The following FBXL18 variants were observed in gnomAD, a reference collection of about 807,000 sequenced individuals.
FBXL18 encodes the protein F-box/LRR-repeat protein 18.
A neutral mutation model predicts 46.0 loss-of-function variants in FBXL18; 36 were observed. The observed-to-expected ratio is 0.78, with a 90% CI of 0.60 to 1.03. The LOEUF (loss-of-function observed/expected upper bound fraction) is 1.03. Ranked by LOEUF, FBXL18 falls within the 50% of genes least tolerant of loss-of-function variation. The probability of loss-of-function intolerance (pLI) is 0.00; values close to 1 mark genes in which losing one functional copy is unlikely to be tolerated. For missense variants in FBXL18, 977 were observed against 1,004.1 expected (o/e 0.97, Z 0.36); for synonymous variants, 557 against 465.3 (o/e 1.20, Z -2.54).
At chr7:5,509,118 G>C (rs148306496) in intron 1 of FBXL18, among the ~76,000 whole-genome samples, 1 of 151,234 alleles carries the variant, frequency 6.6e-6, no homozygotes, top group East Asian at 1.9e-4. Context: ...GCTTGAACCC[G>C]GGAGGTGAAG....
In FBXL18 at chr7:5,501,964, G is replaced by C; in HGVS notation, c.305C>G (p.Ala102Gly). Residue 102 changes from alanine (A) to glycine (G), a missense_variant, in exon 3 of 5, where the codon GCT becomes GGT. Ala to Gly is a moderately conservative substitution (Grantham distance 60, BLOSUM62 0). Coordinates refer to ENST00000382368, the MANE Select transcript of FBXL18 (RefSeq NM_024963.6). ...GGAGCCAGGCAGCCAGTAGCAGCCA[G>C]CCATGCTCAGCTGCTGGATCTCCCG... Reference protein sequence around the residue: ...IGREIQQLSMAGCYWLPGSTV... With the variant: ...IGREIQQLSMGGCYWLPGSTV... 6.2e-7 allele frequency: 1 copy of C among 1,607,888 alleles called. No homozygotes were observed. Among genetic ancestry groups the C allele is most frequent in the Non-Finnish European group, 8.5e-7 (1 of 1,177,888 alleles).
In FBXL18 at chr7:5,501,407, G is replaced by C. The variant is rs372836919; in HGVS notation, c.862C>G (p.Arg288Gly). Residue 288 changes from arginine (R) to glycine (G), a missense_variant, in exon 3 of 5, where the codon CGC (arginine) becomes GGC (glycine). Physicochemically the swap from Arg to Gly is moderately radical, Grantham distance 125. Coordinates refer to ENST00000382368, the MANE Select transcript of FBXL18 (RefSeq NM_024963.6). ...TGCAGGGCATCCAGCACGACATTGC[G>C]CGCCATGGAGTCCAGGAGGTTCTTG... The part of the protein sequence containing the change: ...ATKNLLDSMA[R>G]NVVLDALQLP... 1.2e-6 allele frequency: 2 copies of C among 1,613,638 alleles called. No homozygotes were observed. The highest frequency in any genetic ancestry group is 1.3e-5 in the African/African-American group (1 of 74,934).
chr7:5,462,965 AAAAAATATAT>A lies in FBXL18; in HGVS notation c.2001-15132_2001-15123del, dbSNP rs1330944602. On this transcript the variant is annotated intron_variant and NMD_transcript_variant, in intron 4 of 6. Transcript: ENST00000415009. ...GACTTGGTCTCAAAAAAAAAAAAAA[AAAAAATATAT>A]ATATATATATATATATATATAATAT... Among the ~76,000 whole-genome samples the A allele has an allele frequency of 1.6e-3, 30 of 18,362 alleles. 1 individual carries two copies. The highest frequency in any genetic ancestry group is 6.2e-3 in the South Asian group (2 of 324). 12.0% of individuals were successfully genotyped at this position (18,362 alleles called of 152,430 possible). A position where few individuals can be genotyped will look rare whatever the true frequency, so the allele number is the denominator to read the frequency against.
intron 2 of FBXL18, among the ~76,000 whole-genome samples, chr7:5,505,118 A>G (rs1285094026): frequency 6.6e-6 from 1 of 151,458 alleles, no homozygotes; most frequent in Non-Finnish European, 1.5e-5. Flanking sequence ...TTCCACTCCT[A>G]GCGATCCACA....
intron 4 of FBXL18, among the ~76,000 whole-genome samples, chr7:5,485,915 C>T (rs1383857947): frequency 6.6e-6 from 1 of 152,002 alleles, no homozygotes; most frequent in South Asian, 2.1e-4. Flanking sequence ...AAAAATTAGC[C>T]GGGCGTGGTG....
downstream of FBXL18, among the ~76,000 whole-genome samples, chr7:5,472,773 C>G (rs1396280268): frequency 1.3e-5 from 2 of 152,172 alleles, no homozygotes; most frequent in Non-Finnish European, 1.5e-5. Context: ...ACAGATAACT[C>G]GTAGTGCCAT....
chr7:5,464,858 G>A lies in FBXL18; in HGVS notation c.2001-17015C>T, dbSNP rs150143547. Among the ~76,000 whole-genome samples, 955 of 151,486 alleles carry A rather than the reference G, an allele frequency of 6.3e-3. 16 individuals carry two copies. The highest frequency in any genetic ancestry group is 0.022 in the African/African-American group (893 of 41,342). ...GTGGGCAAATCACCAGAGGTTAGGA[G>A]TTTGAGACCAGCCTGGACAACACGG... is the stretch of plus-strand genomic sequence containing the variant. On this transcript the variant is annotated intron_variant and NMD_transcript_variant, in intron 4 of 6. Transcript: ENST00000415009.
chr7:5,483,422 C>G (rs1381947448), intron 4 of FBXL18, among the ~76,000 whole-genome samples: 4 of 144,004 alleles, frequency 2.8e-5, no homozygotes, highest in Admixed American at 7.3e-5. Flanking sequence ...GCCTGGGCAA[C>G]AGAGCGAGAC....
intron 4 of FBXL18, among the ~76,000 whole-genome samples, chr7:5,460,020 G>A (rs933538770): frequency 1.3e-5 from 2 of 152,166 alleles, no homozygotes; most frequent in Non-Finnish European, 2.9e-5. Flanking sequence ...AACACTTTGG[G>A]AGGCTGAGGC....
chr7:5,487,706 C>A (rs1298187014), intron 4 of FBXL18, among the ~76,000 whole-genome samples: 7 of 152,252 alleles, frequency 4.6e-5, no homozygotes. Context: ...CAGAGAGAGG[C>A]ACCATGGGGG....
At chr7:5,473,972 C>G (rs554190913), downstream of FBXL18, among the ~76,000 whole-genome samples, 2 of 151,756 alleles carry the variant, frequency 1.3e-5, no homozygotes, top group East Asian at 2.0e-4. Flanking sequence ...AATTTTTGTA[C>G]TTTTTGTAGA....
At chr7:5,502,333 G>A (rs1391074570) in intron 2 of FBXL18, among the ~76,000 whole-genome samples, 3 of 152,122 alleles carry the variant, frequency 2.0e-5, no homozygotes, top group Admixed American at 6.5e-5. Context: ...TCAGGAGTTC[G>A]AGACCAGCCT....
chr7:5,509,981 G>C (rs1221955449), intron 1 of FBXL18, among the ~76,000 whole-genome samples: 1 of 151,980 alleles, frequency 6.6e-6, no homozygotes, highest in Non-Finnish European at 1.5e-5. Flanking sequence ...CACCAAAAAA[G>C]GTGGCAAGCT....
intron 4 of FBXL18, among the ~76,000 whole-genome samples, chr7:5,463,723 T>C (rs1783293932): frequency 2.8e-5 from 2 of 71,222 alleles, no homozygotes; most frequent in African/African-American, 1.1e-4. Flanking sequence ...TTTATTTATT[T>C]ATTTATTTTT....
Position 5,480,226 on chromosome 7 carries a change from C to T in FBXL18, c.*1549G>A, listed in dbSNP as rs945273574. Reference sequence around the variant, plus strand: ...ACACGGAAACCCAGGAGGAGGAAGGCGGGCTGGACAAGGGGCCCTTCACCA... The same window carrying T: ...ACACGGAAACCCAGGAGGAGGAAGGTGGGCTGGACAAGGGGCCCTTCACCA... On this transcript the variant is annotated 3_prime_UTR_variant, in exon 5 of 5. Coordinates refer to ENST00000382368, the MANE Select transcript of FBXL18 (RefSeq NM_024963.6). 2.0e-5 allele frequency among the ~76,000 whole-genome samples: 3 copies of T among 152,140 alleles called. No individual in the cohort carries two copies. The highest frequency in any genetic ancestry group is 2.9e-5 in the Non-Finnish European group (2 of 68,032).
intron 2 of FBXL18, among the ~76,000 whole-genome samples, chr7:5,504,638 G>A (rs1325102033): frequency 1.4e-5 from 2 of 146,792 alleles, no homozygotes; most frequent in Admixed American, 6.7e-5. Context: ...TTACCAGGCC[G>A]GGTGTGGTGG....
At position 5,500,692 on chromosome 7, in the gene FBXL18, G is replaced by A. The variant is rs1784214690; in HGVS notation, c.1577C>T (p.Ala526Val). 1.9e-6 allele frequency: 3 copies of A among 1,610,788 alleles called. No homozygotes were observed. Among genetic ancestry groups the A allele is most frequent in the Non-Finnish European group, 2.5e-6 (3 of 1,179,010 alleles). Residue 526 changes from alanine to valine, a missense_variant, in exon 3 of 5, where the codon GCC becomes GTC. Coordinates refer to ENST00000382368, the MANE Select transcript of FBXL18 (RefSeq NM_024963.6). ...CCGCAGGAAGGCCAGCTGGCCGATG[G>A]CGGCCACCTCCGAGTCCCCGACACT... is the stretch of plus-strand genomic sequence containing the variant. ...AQSVGDSEVAAIGQLAFLRHL... is the reference protein window; with the variant it reads ...AQSVGDSEVAVIGQLAFLRHL...
At position 5,501,540 on chromosome 7, in the gene FBXL18, G is replaced by C. The variant is rs1784256816; in HGVS notation, c.729C>G (p.Asn243Lys). ...FYARLAPGYI[N>K]QEVVRLYLAV... ...CCAGGTAGAGCCGCACCACCTCCTG[G>C]TTGATGTAGCCGGGGGCCAGGCGCG... Residue 243 changes from asparagine (N) to lysine (K), a missense_variant, in exon 3 of 5, where the codon AAC becomes AAG. Asn to Lys is a moderately conservative substitution (Grantham distance 94). Coordinates refer to ENST00000382368, the MANE Select transcript of FBXL18 (RefSeq NM_024963.6). The C allele has an allele frequency of 6.2e-7, 1 of 1,613,972 alleles. No homozygotes were observed. Among genetic ancestry groups the C allele is most frequent in the Non-Finnish European group, 8.5e-7 (1 of 1,180,026 alleles).
downstream of FBXL18, among the ~76,000 whole-genome samples, chr7:5,472,766 G>T (rs1474601153): frequency 1.3e-5 from 2 of 152,186 alleles, no homozygotes; most frequent in African/African-American, 4.8e-5. Flanking sequence ...CCATGGAACA[G>T]ATAACTCGTA....
Sources: gnomAD v4.1 joint callset for allele counts (sites outside exome capture counted in the v4.1 genomes callset) on GRCh38, gnomAD v4.1.1 for gene constraint, MANE v1.5 for transcripts, NCBI Gene and HGNC (gene_info 2026-07-23, HGNC 2026-07-21) for gene names.